ME3: variants seen among roughly 807,000 people sequenced by gnomAD.
ME3 encodes the protein NADP-dependent malic enzyme, mitochondrial.
A neutral mutation model predicts 68.9 loss-of-function variants in ME3; 48 were observed. The ratio of observed to expected loss-of-function variants is 0.70; its 90% CI spans 0.55 to 0.89. ME3 has a LOEUF of 0.89. Among genes scored for constraint, ME3 ranks in the 40% least tolerant of loss-of-function variants. ME3 has a pLI of 0.00. For synonymous variants in ME3, 320 were observed against 318.8 expected, an observed-to-expected ratio of 1.00 and a Z score of -0.04; for missense variants, 675 against 797.4, an observed-to-expected ratio of 0.85 and a Z score of 1.85.
intron 8 of ME3, among the ~76,000 whole-genome samples, chr11:86,455,380 C>G (rs1362455771): frequency 6.6e-6 from 1 of 152,228 alleles, no homozygotes; most frequent in African/African-American, 2.4e-5. Context: ...GAACCAGGCT[C>G]AGGTACTGAG....
chr11:86,443,732 A>G (rs1257005002), intron 13 of ME3, among the ~76,000 whole-genome samples: 1 of 152,180 alleles, frequency 6.6e-6, no homozygotes, highest in Non-Finnish European at 1.5e-5. Context: ...ATGTTTTCAG[A>G]TATTAGGGAA....
At chr11:86,450,687 G>A (rs1016937166) in intron 8 of ME3, among the ~76,000 whole-genome samples, 2 of 152,124 alleles carry the variant, frequency 1.3e-5, no homozygotes, top group African/African-American at 4.8e-5. Context: ...AAATGACAAG[G>A]ATAAATATAA....
intron 14 of ME3, among the ~76,000 whole-genome samples, chr11:86,441,661 G>T (rs865782791): frequency 2.6e-5 from 4 of 152,266 alleles, no homozygotes; most frequent in Middle Eastern, 3.4e-3. Context: ...GGGTCAAGAG[G>T]CTTCAGCATA....
downstream of ME3, among the ~76,000 whole-genome samples, chr11:86,439,546 A>G (rs938584128): frequency 5.9e-5 from 9 of 152,198 alleles, no homozygotes; most frequent in East Asian, 1.3e-3. Flanking sequence ...CAGTAAAGAG[A>G]AAAAAAGGGA....
chr11:86,578,521 G>T (rs1168901951), intron 2 of ME3, among the ~76,000 whole-genome samples: 2 of 152,164 alleles, frequency 1.3e-5, no homozygotes, highest in Non-Finnish European at 2.9e-5. Context: ...GACAACCAAG[G>T]ACAAGCTCAT....
chr11:86,497,923 C>T (rs1265818882), intron 6 of ME3, 40 bp downstream of exon 6: 5 of 1,542,004 alleles, frequency 3.2e-6, no homozygotes. Context: ...CCAGTTGCCA[C>T]CTTTTGGCCC....
At chr11:86,483,725 G>A (rs1951541016) in intron 7 of ME3, among the ~76,000 whole-genome samples, 1 of 152,204 alleles carries the variant, frequency 6.6e-6, no homozygotes, top group African/African-American at 2.4e-5. Flanking sequence ...GAAGAAGCGG[G>A]TGATTTCCTT....
chr11:86,654,807 G>T (rs1387796238), intron 2 of ME3, among the ~76,000 whole-genome samples: 1 of 152,152 alleles, frequency 6.6e-6, no homozygotes, highest in Non-Finnish European at 1.5e-5. Context: ...AAGTCAAATT[G>T]TCCCTGTTTG....
At chr11:86,621,646 T>C (rs1385544426) in intron 2 of ME3, among the ~76,000 whole-genome samples, 2 of 152,030 alleles carry the variant, frequency 1.3e-5, no homozygotes, top group African/African-American at 4.8e-5. Flanking sequence ...AATAGGGTTG[T>C]ATTCAAATTC....
At chr11:86,461,452 G>T (rs1344796587) in intron 8 of ME3, among the ~76,000 whole-genome samples, 2 of 152,166 alleles carry the variant, frequency 1.3e-5, no homozygotes, top group Non-Finnish European at 2.9e-5. Context: ...AGTTATATTG[G>T]AGTGTTCAGG....
intron 13 of ME3, among the ~76,000 whole-genome samples, chr11:86,445,574 CAG>C (rs1360712590): frequency 6.6e-6 from 1 of 152,200 alleles, no homozygotes; most frequent in Non-Finnish European, 1.5e-5. Flanking sequence ...AACCTCTCAA[CAG>C]AGACATTTCT....
At chr11:86,527,951 C>T (rs892045565) in intron 4 of ME3, among the ~76,000 whole-genome samples, 5 of 152,146 alleles carry the variant, frequency 3.3e-5, no homozygotes, top group Non-Finnish European at 7.3e-5. Context: ...CATCAACTAA[C>T]AAGCAAACTA....
intron 5 of ME3, among the ~76,000 whole-genome samples, chr11:86,499,051 A>T (rs1030691725): frequency 1.6e-4 from 24 of 152,180 alleles, no homozygotes; most frequent in African/African-American, 5.6e-4. Context: ...AAAGGGTGGC[A>T]GAGATTAGAA....
intron 4 of ME3, among the ~76,000 whole-genome samples, chr11:86,520,140 A>T (rs1954166804): frequency 6.6e-6 from 1 of 152,136 alleles, no homozygotes; most frequent in Non-Finnish European, 1.5e-5. Context: ...TCCCAGCCCC[A>T]TGGAGGCCCC....
chr11:86,585,510 T>G (rs1958680483), intron 2 of ME3, among the ~76,000 whole-genome samples: 1 of 152,118 alleles, frequency 6.6e-6, no homozygotes, highest in Non-Finnish European at 1.5e-5. Flanking sequence ...GGTTGTGGTG[T>G]TCACTGAAAT....
chr11:86,532,467 C>T (rs1955324233), intron 4 of ME3, among the ~76,000 whole-genome samples: 1 of 152,124 alleles, frequency 6.6e-6, no homozygotes, highest in Admixed American at 6.5e-5. Context: ...TATGTTAGGC[C>T]ATAAAACAGG....
chr11:86,562,708 C>T (rs529371144), intron 2 of ME3, among the ~76,000 whole-genome samples: 12 of 151,854 alleles, frequency 7.9e-5, no homozygotes, highest in South Asian at 2.1e-4. Flanking sequence ...GGGGTACATG[C>T]GCAGGTTTGT....
At chr11:86,487,431 T>C in exon 7 of ME3, 1 of 1,613,886 alleles carries the variant, frequency 6.2e-7, no homozygotes, top group East Asian at 2.2e-5. Flanking sequence ...AGAGGGTCTC[T>C]GAGCAGCTCC....
chr11:86,494,938 A>G (rs534537087), intron 6 of ME3, among the ~76,000 whole-genome samples: 2 of 152,372 alleles, frequency 1.3e-5, no homozygotes, highest in East Asian at 3.9e-4. Context: ...CTTTATGTAT[A>G]GGCATAGAAA....
Sources: allele counts gnomAD v4.1 joint callset (sites outside exome capture counted in the v4.1 genomes callset), GRCh38; gene constraint gnomAD v4.1.1; transcripts MANE v1.5; gene names NCBI Gene and HGNC (gene_info 2026-07-23, HGNC 2026-07-21).